Variants in SOCS5 observed in about 807,000 individuals in gnomAD.
SOCS5 encodes suppressor of cytokine signaling 5.
SOCS5 carries 32 observed loss-of-function variants against 42.8 expected under a neutral mutation model. That is an observed-to-expected ratio of 0.75 (90% CI 0.56 to 1.01). SOCS5 has a LOEUF of 1.01. Ranked by LOEUF, SOCS5 falls within the 50% of genes least tolerant of loss-of-function variation. SOCS5 has a pLI of 0.00. For synonymous variants in SOCS5, 283 were observed against 229.6 expected, an observed-to-expected ratio of 1.23 and a Z score of -2.10; for missense variants, 627 against 653.0, an observed-to-expected ratio of 0.96 and a Z score of 0.43.
chr2:46,735,093 T>A (rs1054819462), intron 1 of SOCS5, among the ~76,000 whole-genome samples: 1 of 152,170 alleles, frequency 6.6e-6, no homozygotes, highest in African/African-American at 2.4e-5. Flanking sequence ...TTAGTTAGGA[T>A]TAGTTGGGTA....
At chr2:46,756,020 C>A (rs1048219069) in intron 1 of SOCS5, among the ~76,000 whole-genome samples, 1 of 152,150 alleles carries the variant, frequency 6.6e-6, no homozygotes, top group African/African-American at 2.4e-5. Flanking sequence ...AACTAAATTT[C>A]ATGCTCTGTG....
chr2:46,754,433 C>T (rs1344260565), intron 1 of SOCS5, among the ~76,000 whole-genome samples: 1 of 152,044 alleles, frequency 6.6e-6, no homozygotes, highest in African/African-American at 2.4e-5. Context: ...TTATAAAACT[C>T]CCCACTCTTC....
At chr2:46,737,933 A>AT (rs1380796259) in intron 1 of SOCS5, among the ~76,000 whole-genome samples, 1 of 152,164 alleles carries the variant, frequency 6.6e-6, no homozygotes, top group African/African-American at 2.4e-5. Flanking sequence ...ATATAAGACC[A>AT]TTTTTTATCT....
intron 1 of SOCS5, among the ~76,000 whole-genome samples, chr2:46,728,669 C>T (rs1457087002): frequency 6.6e-6 from 1 of 152,146 alleles, no homozygotes; most frequent in East Asian, 1.9e-4. Flanking sequence ...CATTCTCCTG[C>T]CTCAGCCTCC....
intron 1 of SOCS5, among the ~76,000 whole-genome samples, chr2:46,722,876 A>G (rs180844074): frequency 1.3e-5 from 2 of 152,066 alleles, no homozygotes; most frequent in South Asian, 2.1e-4. Flanking sequence ...TTCTTATGTC[A>G]TTTTGGCTTT....
intron 1 of SOCS5, among the ~76,000 whole-genome samples, chr2:46,728,034 C>G (rs2103722567): frequency 6.6e-6 from 1 of 152,192 alleles, no homozygotes; most frequent in South Asian, 2.1e-4. Context: ...GTTTTAGGTA[C>G]CTGTGGGCGC....
At chr2:46,704,811 G>A (rs752744274) in intron 1 of SOCS5, among the ~76,000 whole-genome samples, 15 of 152,152 alleles carry the variant, frequency 9.9e-5, no homozygotes, top group Non-Finnish European at 1.5e-4. Context: ...ACACACCTGG[G>A]CATATGTTAA....
intron 1 of SOCS5, among the ~76,000 whole-genome samples, chr2:46,750,917 T>C (rs6730949): frequency 0.69 from 104,302 of 152,082 alleles, 37,136 homozygotes; most frequent in African/African-American, 0.87. Context: ...TCTTTTTATG[T>C]TCTCCAATAA....
intron 1 of SOCS5, among the ~76,000 whole-genome samples, chr2:46,710,836 G>C (rs949513043): frequency 1.3e-5 from 2 of 152,166 alleles, no homozygotes; most frequent in Non-Finnish European, 2.9e-5. Context: ...TCTTCCCATT[G>C]AGTCCTTGCT....
intron 1 of SOCS5, among the ~76,000 whole-genome samples, chr2:46,733,248 C>T (rs987030157): frequency 2.6e-5 from 4 of 152,060 alleles, no homozygotes; most frequent in Non-Finnish European, 4.4e-5. Context: ...GCGCATGCCA[C>T]TATGCCCAGC....
chr2:46,732,772 A>T (rs958969879), intron 1 of SOCS5, among the ~76,000 whole-genome samples: 17 of 152,200 alleles, frequency 1.1e-4, no homozygotes, highest in African/African-American at 4.1e-4. Flanking sequence ...TGAGAATATT[A>T]TAAAAGCTAT....
chr2:46,744,782 C>A (rs534290967), intron 1 of SOCS5, among the ~76,000 whole-genome samples: 11 of 151,884 alleles, frequency 7.2e-5, no homozygotes, highest in Non-Finnish European at 1.5e-4. Context: ...CCCACCTCAG[C>A]CTCCCAAAGT....
chr2:46,717,552 G>T (rs1426011777), intron 1 of SOCS5, among the ~76,000 whole-genome samples: 1 of 151,922 alleles, frequency 6.6e-6, no homozygotes, highest in Admixed American at 6.6e-5. Flanking sequence ...ACATTTTAAG[G>T]TCATCATTTC....
At position 46,722,750 on chromosome 2, in the gene SOCS5, T is replaced by G. The variant is rs1022517239; in HGVS notation, c.-13+23301T>G. 2.0e-5 allele frequency among the ~76,000 whole-genome samples: 3 copies of G among 152,242 alleles called. No individual in the cohort carries two copies. In the South Asian group the frequency reaches 6.2e-4, roughly 32 times the overall value. On this transcript the variant is annotated intron_variant, in intron 1 of 1. Transcript: ENST00000394861. ...ATGTATGTTTAACTTTATCAAGAGT[T>G]GCCAAACTGTTTTCAAGAATAGCTG... is the stretch of plus-strand genomic sequence containing the variant.
At chr2:46,752,144 A>C (rs567303593) in intron 1 of SOCS5, among the ~76,000 whole-genome samples, 1 of 150,036 alleles carries the variant, frequency 6.7e-6, no homozygotes, top group East Asian at 2.0e-4. Context: ...CATTAGAGAA[A>C]CCTATTTAGT....
At position 46,699,904 on chromosome 2, in the gene SOCS5, C is replaced by A. The variant is rs1161174492; in HGVS notation, c.-13+455C>A. 1.3e-5 allele frequency among the ~76,000 whole-genome samples: 2 copies of A among 152,012 alleles called. No individual in the cohort carries two copies. The highest frequency in any genetic ancestry group is 2.9e-5 in the Non-Finnish European group (2 of 68,002). ...TCACTTGGGGCTCCAAGAGCCCGAT[C>A]TGGGGGTCTTCAAGGTCGAGGAGAA... On this transcript the variant is annotated intron_variant, in intron 1 of 1. Coordinates refer to ENST00000394861, the MANE Select transcript of SOCS5 (RefSeq NM_144949.3). The surrounding 1 kb of genome is among the most constrained non-coding windows in gnomAD (Gnocchi z 4.8).
At chr2:46,702,132 G>A (rs187870983) in intron 1 of SOCS5, among the ~76,000 whole-genome samples, 52 of 152,122 alleles carry the variant, frequency 3.4e-4, no homozygotes, top group Non-Finnish European at 6.0e-4. Flanking sequence ...ATAGTGGTGA[G>A]GTTTAACTGT....
rs113230570 is a variant in SOCS5, at chr2:46,717,924, G to A, written c.-13+18475G>A. 3.6e-4 allele frequency among the ~76,000 whole-genome samples: 55 copies of A among 152,256 alleles called. 1 individual carries two copies. Among genetic ancestry groups the A allele is most frequent in the African/African-American group, 1.2e-3 (48 of 41,556 alleles). ...TTTCACTGGTCTGATGGAGTATTGC[G>A]TGCACATGTGCAGCTTAGTCTCTAG... is the stretch of plus-strand genomic sequence containing the variant. On this transcript the variant is annotated intron_variant, in intron 1 of 1. Transcript: ENST00000394861.
chr2:46,736,721 G>A (rs983992105), intron 1 of SOCS5, among the ~76,000 whole-genome samples: 7 of 152,256 alleles, frequency 4.6e-5, no homozygotes, highest in African/African-American at 1.2e-4. Context: ...CCATGCATAT[G>A]TTGATGGACG....
Sources: allele counts gnomAD v4.1 joint callset (sites outside exome capture counted in the v4.1 genomes callset), GRCh38; gene constraint gnomAD v4.1.1; non-coding constraint Gnocchi (gnomAD v3.1); transcripts MANE v1.5; gene names NCBI Gene and HGNC (gene_info 2026-07-23, HGNC 2026-07-21).